Variants in CTNNA3 observed in about 807,000 individuals in gnomAD.
The protein encoded by CTNNA3 is catenin alpha-3.
In CTNNA3, 76 loss-of-function variants were observed where a neutral mutation model predicts 95.7. The ratio of observed to expected loss-of-function variants is 0.79; its 90% CI spans 0.66 to 0.96. The LOEUF (loss-of-function observed/expected upper bound fraction) is 0.96, where lower values mean the gene tolerates loss of function less well. Among genes scored for constraint, CTNNA3 ranks in the 40% least tolerant of loss-of-function variants. The probability of loss-of-function intolerance (pLI) is 0.00; values close to 1 mark genes in which losing one functional copy is unlikely to be tolerated. For synonymous variants in CTNNA3, 431 were observed against 374.4 expected (o/e 1.15, Z -1.74); for missense variants, 1,191 against 1,089.8 (o/e 1.09, Z -1.31).
chr10:67,463,859 A>G (rs1847474134), intron 5 of CTNNA3, among the ~76,000 whole-genome samples: 1 of 152,194 alleles, frequency 6.6e-6, no homozygotes, highest in Non-Finnish European at 1.5e-5. Flanking sequence ...TTACAAAAAC[A>G]AACAGAGATC....
intron 5 of CTNNA3, among the ~76,000 whole-genome samples, chr10:67,368,215 T>A (rs1843287623): frequency 6.6e-6 from 1 of 152,172 alleles, no homozygotes; most frequent in Admixed American, 6.5e-5. Flanking sequence ...CTAACAGGCA[T>A]CTCACCAAAG....
chr10:66,667,292 AT>A (rs1846489318), intron 9 of CTNNA3, among the ~76,000 whole-genome samples: 1 of 134,416 alleles, frequency 7.4e-6, no homozygotes, highest in Non-Finnish European at 1.6e-5. Flanking sequence ...CTGTCCAGAT[AT>A]TTTGGAATGT....
In CTNNA3 at chr10:66,472,138, T is replaced by C. The variant is rs535499036; in HGVS notation, c.1531+48479A>G. Among the ~76,000 whole-genome samples, 10 of 152,042 alleles carry C rather than the reference T, an allele frequency of 6.6e-5. No homozygotes were observed. In the South Asian group the frequency reaches 2.1e-3, roughly 32 times the overall value. On this transcript the variant is annotated intron_variant, in intron 11 of 17. Coordinates refer to ENST00000433211, the MANE Select transcript of CTNNA3 (RefSeq NM_013266.4). The stretch of plus-strand genomic sequence containing the variant: ...AATAAGATGCTAGCCTATATACACA[T>C]CATAGAAGCTTGAAATTGGCCAAGT...
chr10:67,231,228 A>T (rs1020228129), intron 5 of CTNNA3, among the ~76,000 whole-genome samples: 2 of 152,246 alleles, frequency 1.3e-5, no homozygotes, highest in African/African-American at 4.8e-5. Flanking sequence ...GGCAGCGCAC[A>T]GACAAACAGA....
intron 1 of CTNNA3, among the ~76,000 whole-genome samples, chr10:67,685,750 T>G (rs1017912116): frequency 6.6e-6 from 1 of 152,174 alleles, no homozygotes; most frequent in Non-Finnish European, 1.5e-5. Flanking sequence ...TTTTCTTTAC[T>G]ACTTCTATCT....
intron 2 of CTNNA3, among the ~76,000 whole-genome samples, chr10:67,631,181 T>G (rs975875471): frequency 1.3e-5 from 2 of 152,128 alleles, no homozygotes; most frequent in Non-Finnish European, 2.9e-5. Flanking sequence ...GAAGAATTTA[T>G]TACAGAGGGA....
At position 66,311,824 on chromosome 10, in the gene CTNNA3, G is replaced by A. The variant is rs970927861; in HGVS notation, c.1733-31203C>T. Reference sequence around the variant, plus strand: ...GCTCCCTGATAGTTACTCTCCTGGGGAATTTCAGGGTCCTGATTTTTAACT... The same window carrying A: ...GCTCCCTGATAGTTACTCTCCTGGGAAATTTCAGGGTCCTGATTTTTAACT... On this transcript the variant is annotated intron_variant, in intron 12 of 17. Coordinates refer to ENST00000433211, the MANE Select transcript of CTNNA3 (RefSeq NM_013266.4). Among the ~76,000 whole-genome samples the A allele has an allele frequency of 3.3e-5, 5 of 152,226 alleles. No individual in the cohort carries two copies. In the South Asian group the frequency reaches 1.0e-3, roughly 32 times the overall value.
chr10:66,781,724 C>T (rs764773173), intron 7 of CTNNA3, among the ~76,000 whole-genome samples: 16 of 152,100 alleles, frequency 1.1e-4, no homozygotes, highest in Non-Finnish European at 4.4e-5. Flanking sequence ...AGATGCCATC[C>T]CCATGTAGAT....
chr10:67,329,874 C>A (rs1234396704), intron 5 of CTNNA3, among the ~76,000 whole-genome samples: 3 of 152,298 alleles, frequency 2.0e-5, no homozygotes, highest in East Asian at 3.9e-4. Context: ...TGTAGTGGTT[C>A]TGCTTTATAA....
intron 11 of CTNNA3, among the ~76,000 whole-genome samples, chr10:66,470,367 A>G (rs1443090590): frequency 6.6e-6 from 1 of 151,874 alleles, no homozygotes; most frequent in Non-Finnish European, 1.5e-5. Flanking sequence ...AATAGACAAA[A>G]TATCTATAGG....
intron 4 of CTNNA3, among the ~76,000 whole-genome samples, chr10:67,539,068 C>G (rs1346262896): frequency 6.6e-6 from 1 of 152,128 alleles, no homozygotes; most frequent in Non-Finnish European, 1.5e-5. Flanking sequence ...ACTCTTTATC[C>G]TGAATCAAGA....
chr10:67,562,073 G>T (rs879774262), intron 3 of CTNNA3, among the ~76,000 whole-genome samples: 11 of 152,130 alleles, frequency 7.2e-5, no homozygotes, highest in Non-Finnish European at 1.6e-4. Context: ...AGGAGGAATT[G>T]GTACCATTCT....
At chr10:67,045,720 C>G (rs530801669) in intron 7 of CTNNA3, among the ~76,000 whole-genome samples, 2 of 152,148 alleles carry the variant, frequency 1.3e-5, no homozygotes, top group Non-Finnish European at 2.9e-5. Context: ...GACCGACATC[C>G]GAGACCAGCC....
chr10:66,030,541 A>G (rs553924337), intron 15 of CTNNA3, among the ~76,000 whole-genome samples: 45 of 152,286 alleles, frequency 3.0e-4, no homozygotes, highest in African/African-American at 1.0e-3. Context: ...AGCCATCACC[A>G]TATACAAAAA....
Position 66,724,093 on chromosome 10 carries a change from C to T in CTNNA3, c.1281+42171G>A, listed in dbSNP as rs147287110. On this transcript the variant is annotated intron_variant, in intron 9 of 17. Transcript: ENST00000433211. ...CTAGTCAAGAATGTTTCTGAAAGTG[C>T]TCTCTGACAACAATGCTATTCACAG... is the stretch of plus-strand genomic sequence containing the variant. Among the ~76,000 whole-genome samples the T allele has an allele frequency of 4.3e-3, 650 of 152,072 alleles. 1 individual carries two copies. The highest frequency in any genetic ancestry group is 0.015 in the African/African-American group (615 of 41,488).
intron 12 of CTNNA3, among the ~76,000 whole-genome samples, chr10:66,330,439 T>C (rs1274641420): frequency 2.0e-5 from 3 of 149,552 alleles, no homozygotes; most frequent in South Asian, 2.1e-4. Context: ...ATGGTGTATA[T>C]GTGCCACATT....
chr10:67,590,992 A>G (rs1480340939), intron 3 of CTNNA3, among the ~76,000 whole-genome samples: 1 of 152,168 alleles, frequency 6.6e-6, no homozygotes, highest in Non-Finnish European at 1.5e-5. Context: ...GCGTAAAAAA[A>G]AACTCTTATT....
intron 12 of CTNNA3, among the ~76,000 whole-genome samples, chr10:66,334,365 C>T (rs2092369790): frequency 6.6e-6 from 1 of 151,848 alleles, no homozygotes; most frequent in South Asian, 2.1e-4. Context: ...GTGGCTGGTA[C>T]CGGTTGTTCC....
chr10:66,059,181 C>T (rs185017901), intron 15 of CTNNA3, among the ~76,000 whole-genome samples: 1 of 151,854 alleles, frequency 6.6e-6, no homozygotes, highest in East Asian at 1.9e-4. Flanking sequence ...AGGAATTAGC[C>T]CCATTTTGGT....
Sources: gnomAD v4.1 joint callset for allele counts (sites outside exome capture counted in the v4.1 genomes callset) on GRCh38, gnomAD v4.1.1 for gene constraint, MANE v1.5 for transcripts, NCBI Gene and HGNC (gene_info 2026-07-23, HGNC 2026-07-21) for gene names.